The following CAPN5 variants were observed in gnomAD, a reference collection of about 807,000 sequenced individuals.
CAPN5 encodes calpain 5, also known as calpain-5.
CAPN5 carries 54 observed loss-of-function variants against 73.0 expected under a neutral mutation model. That is an observed-to-expected ratio of 0.74 (90% confidence interval 0.59 to 0.93). CAPN5 has a LOEUF of 0.93. Among genes scored for constraint, CAPN5 ranks in the 40% least tolerant of loss-of-function variants. CAPN5 has a pLI of 0.00. For missense variants in CAPN5, 785 were observed against 882.9 expected (o/e 0.89, Z 1.41); for synonymous variants, 335 against 356.9 (o/e 0.94, Z 0.69).
intron 2 of CAPN5, chr11:77,088,137 A>T: frequency 1.4e-6 from 2 of 1,409,598 alleles, no homozygotes; most frequent in South Asian, 1.4e-5. Flanking sequence ...TCTGGGTATG[A>T]GCCTGGAGGT....
intron 1 of CAPN5, among the ~76,000 whole-genome samples, chr11:77,078,403 A>G (rs1257103263): frequency 6.6e-6 from 1 of 152,056 alleles, no homozygotes; most frequent in Admixed American, 6.5e-5. Context: ...TGGGCTTTCT[A>G]TTCTGTTCCA....
chr11:77,076,569 A>T (rs573373230), intron 1 of CAPN5, among the ~76,000 whole-genome samples: 1 of 152,068 alleles, frequency 6.6e-6, no homozygotes, highest in Admixed American at 6.5e-5. Flanking sequence ...TTCTGCTTCT[A>T]TGAGTTCAAC....
At chr11:77,096,145 T>TG (rs1950206487) in intron 3 of CAPN5, among the ~76,000 whole-genome samples, 4 of 152,078 alleles carry the variant, frequency 2.6e-5, no homozygotes, top group South Asian at 4.2e-4. Flanking sequence ...GGAAGGGCAG[T>TG]GGGGGGGCTG....
chr11:77,074,219 A>T (rs1363681130), intron 1 of CAPN5, among the ~76,000 whole-genome samples: 2 of 152,166 alleles, frequency 1.3e-5, no homozygotes, highest in Non-Finnish European at 2.9e-5. Flanking sequence ...CAATGGCTCA[A>T]GCCAGGGCTC....
chr11:77,116,396 C>G, intron 7 of CAPN5, 93 bp downstream of exon 7: 2 of 879,716 alleles, frequency 2.3e-6, no homozygotes, highest in Admixed American at 2.0e-5. Flanking sequence ...AGCCAGGCCT[C>G]TCCTGCATGC....
At chr11:77,077,379 T>C (rs990680433) in intron 1 of CAPN5, among the ~76,000 whole-genome samples, 1 of 151,804 alleles carries the variant, frequency 6.6e-6, no homozygotes, top group Non-Finnish European at 1.5e-5. Context: ...TTTAAAAAAG[T>C]CTTTTTTTAT....
At chr11:77,075,306 G>A (rs1054720164) in intron 1 of CAPN5, among the ~76,000 whole-genome samples, 2 of 152,170 alleles carry the variant, frequency 1.3e-5, no homozygotes, top group African/African-American at 4.8e-5. Context: ...AGGTGCAGAG[G>A]AAACCTTGCA....
At chr11:77,077,880 T>G (rs1949989416) in intron 1 of CAPN5, among the ~76,000 whole-genome samples, 1 of 152,228 alleles carries the variant, frequency 6.6e-6, no homozygotes, top group South Asian at 2.1e-4. Flanking sequence ...AAATGTCTAT[T>G]CAGATCATTT....
chr11:77,093,683 G>T lies in CAPN5; in HGVS notation c.167G>T (p.Gly56Val). The T allele has an allele frequency of 6.3e-7, 1 of 1,587,032 alleles. No homozygotes were observed. The highest frequency in any genetic ancestry group is 8.5e-7 in the Non-Finnish European group (1 of 1,170,190). The change falls in exon 3 of 13, where the codon GGC becomes GTC. Residue 56 changes from glycine to valine, a missense_variant and splice_region_variant. Physicochemically the swap from Gly to Val is moderately radical, Grantham distance 109. Transcript: ENST00000648180. ...GCTCTCTCCTCGCCTTCTCCGCAGGGCATCTGCGAGGACCCCCGCCTCTTT... is the reference window on the plus strand; with the variant it reads ...GCTCTCTCCTCGCCTTCTCCGCAGGTCATCTGCGAGGACCCCCGCCTCTTT... ...GPAVRWKRPK[G>V]ICEDPRLFVD...
Position 77,112,658 on chromosome 11 carries a change from T to A in CAPN5, c.367T>A (p.Phe123Ile). 1 of 1,614,116 alleles carries A rather than the reference T, an allele frequency of 6.2e-7. No individual in the cohort carries two copies. Among genetic ancestry groups the A allele is most frequent in the Non-Finnish European group, 8.5e-7 (1 of 1,180,006 alleles). The change falls in exon 4 of 13, where the codon TTC (phenylalanine) becomes ATC (isoleucine). Residue 123 changes from phenylalanine to isoleucine, a missense_variant. Transcript: ENST00000648180. ...KPNAYAGIFH[F>I]HFWRFGEWVD... ...CAACGCCTACGCGGGCATCTTCCAC[T>A]TCCACTTCTGGCGCTTCGGGGAATG...
chr11:77,104,627 C>A (rs781896417), intron 3 of CAPN5, among the ~76,000 whole-genome samples: 3 of 152,222 alleles, frequency 2.0e-5, no homozygotes, highest in Non-Finnish European at 2.9e-5. Context: ...GAGAGCCCCC[C>A]CTTTTGGGGG....
chr11:77,119,653 A>G (rs1471352582), intron 9 of CAPN5: 6 of 160,754 alleles, frequency 3.7e-5, no homozygotes, highest in Non-Finnish European at 8.3e-5. Flanking sequence ...TGTGATGCCC[A>G]GTGTGTGGTG....
At position 77,093,770 on chromosome 11, in the gene CAPN5, C is replaced by A. The variant is rs781961102; in HGVS notation, c.254C>A (p.Ala85Glu). Residue 85 changes from alanine (A) to glutamate (E), a missense_variant, in exon 3 of 13, where the codon GCA becomes GAA. By Grantham distance (107) the Ala-to-Glu change is moderately radical (BLOSUM62 -1). Transcript: ENST00000648180. Reference protein sequence around the residue: ...QGQVGNCWFVAACSSLASRES... With the variant: ...QGQVGNCWFVEACSSLASRES... ...CAGGTGGGCAACTGCTGGTTTGTGG[C>A]AGCCTGCTCGTCACTTGCCTCCCGG... is the stretch of plus-strand genomic sequence containing the variant. 2 of 1,612,198 alleles carry A rather than the reference C, an allele frequency of 1.2e-6. No individual in the cohort carries two copies. Among genetic ancestry groups the A allele is most frequent in the Non-Finnish European group, 1.7e-6 (2 of 1,179,986 alleles).
At chr11:77,105,484 GGGTA>G (rs548852844) in intron 3 of CAPN5, among the ~76,000 whole-genome samples, 86 of 152,324 alleles carry the variant, frequency 5.6e-4, no homozygotes, top group Non-Finnish European at 1.1e-3. Flanking sequence ...CGAGGGCTTG[GGGTA>G]GGAAGGCACC....
At chr11:77,112,936 G>A (rs35883765) in intron 4 of CAPN5, 139 bp downstream of exon 4, 66,733 of 787,578 alleles carry the variant, frequency 0.085, 3,300 homozygotes, top group Middle Eastern at 0.16. Flanking sequence ...AGGCTCAACC[G>A]CCAGGCCTGA....
At chr11:77,122,893 CTG>C (rs2135491290) in intron 12 of CAPN5, among the ~76,000 whole-genome samples, 181 bp downstream of exon 12, 1 of 152,320 alleles carries the variant, frequency 6.6e-6, no homozygotes, top group East Asian at 1.9e-4. Flanking sequence ...CAAGGTCCCT[CTG>C]TAGGTGGGTG....
chr11:77,123,810 C>G lies in CAPN5; in HGVS notation c.1863C>G (p.Ser621Arg), dbSNP rs1282987731. Residue 621 changes from serine to arginine, a missense_variant, in exon 13 of 13, where the codon AGC becomes AGG. Transcript: ENST00000648180. ...HLRDRNSRQP[S>R]NLPGTVAVHI... ...GGGACCGAAATAGCCGGCAGCCCAG[C>G]AACCTGCCAGGCACTGTGGCCGTGC... The G allele has an allele frequency of 6.2e-7, 1 of 1,613,848 alleles. No individual in the cohort carries two copies. The highest frequency in any genetic ancestry group is 1.3e-5 in the African/African-American group (1 of 74,926).
intron 3 of CAPN5, among the ~76,000 whole-genome samples, chr11:77,099,795 C>G (rs1228365635): frequency 1.3e-5 from 2 of 150,972 alleles, no homozygotes; most frequent in African/African-American, 4.9e-5. Context: ...GAGGGAGTTC[C>G]TTCTAGTTTT....
intron 3 of CAPN5, among the ~76,000 whole-genome samples, chr11:77,098,094 G>A (rs868978753): frequency 4.1e-4 from 29 of 69,926 alleles, no homozygotes; most frequent in South Asian, 1.3e-3. Flanking sequence ...CTGGCCGGGC[G>A]GGGGGCTGAC....
Sources: allele counts gnomAD v4.1 joint callset (sites outside exome capture counted in the v4.1 genomes callset), GRCh38; gene constraint gnomAD v4.1.1; transcripts MANE v1.5; gene names NCBI Gene and HGNC (gene_info 2026-07-23, HGNC 2026-07-21).